Variants in GPLD1 observed in about 807,000 individuals in gnomAD.
The protein encoded by GPLD1 is glycosylphosphatidylinositol specific phospholipase D1.
In GPLD1, 84 loss-of-function variants were observed where a neutral mutation model predicts 112.6. That is an observed-to-expected ratio of 0.75 (90% CI 0.63 to 0.89). The LOEUF (loss-of-function observed/expected upper bound fraction) is 0.89. Among genes scored for constraint, GPLD1 ranks in the 40% least tolerant of loss-of-function variants. The pLI is 0.00. For synonymous variants in GPLD1, 386 were observed against 403.8 expected (o/e 0.96, Z 0.53); for missense variants, 1,044 against 1,051.5 (o/e 0.99, Z 0.10).
At chr6:24,455,841 T>C (rs1714533226) in intron 13 of GPLD1, among the ~76,000 whole-genome samples, 1 of 152,184 alleles carries the variant, frequency 6.6e-6, no homozygotes. Context: ...TGACCAAGTG[T>C]AAGGAGATCA....
chr6:24,476,363 C>G, intron 3 of GPLD1, 85 bp from the exon 4 acceptor site: 1 of 705,780 alleles, frequency 1.4e-6, no homozygotes, highest in South Asian at 1.6e-5. Flanking sequence ...CGCTGCGCTG[C>G]TGTGTCCCTT....
At chr6:24,442,243 C>T (rs571497679) in intron 20 of GPLD1, among the ~76,000 whole-genome samples, 1 of 150,864 alleles carries the variant, frequency 6.6e-6, no homozygotes, top group East Asian at 2.0e-4. Flanking sequence ...CCACCTCAGC[C>T]TCCTCAGTAG....
chr6:24,439,409 G>A (rs1762677407), intron 20 of GPLD1, among the ~76,000 whole-genome samples: 1 of 152,188 alleles, frequency 6.6e-6, no homozygotes, highest in Non-Finnish European at 1.5e-5. Context: ...CCCTCTGAAT[G>A]ATTCATGAAT....
At chr6:24,475,812 C>T (rs369873258) in intron 4 of GPLD1, among the ~76,000 whole-genome samples, 16 of 147,128 alleles carry the variant, frequency 1.1e-4, no homozygotes, top group Non-Finnish European at 2.4e-4. Context: ...GAGCTAAGAT[C>T]GCGCCACTGC....
chr6:24,460,203 A>T (rs1763389645), intron 12 of GPLD1, 76 bp downstream of exon 12: 1 of 1,519,116 alleles, frequency 6.6e-7, no homozygotes, highest in Non-Finnish European at 9.1e-7. Flanking sequence ...ACAAATAAAT[A>T]CCCAGGGACT....
At chr6:24,486,247 GGAAAT>G in intron 1 of GPLD1, 117 bp from the exon 2 acceptor site, 1 of 700,504 alleles carries the variant, frequency 1.4e-6, no homozygotes, top group African/African-American at 1.8e-5. Flanking sequence ...CAAGGACGCA[GGAAAT>G]GAAATGAGTT....
chr6:24,436,500 G>A, intron 22 of GPLD1, 76 bp downstream of exon 22: 2 of 1,281,166 alleles, frequency 1.6e-6, no homozygotes, highest in South Asian at 1.3e-5. Context: ...GCACTTTATA[G>A]TGGACATGAG....
Position 24,494,988 on chromosome 6 carries a change from G to A in GPLD1, n.218C>T. ...TTGCCTGTTTCCTGTCGCCGTCGTT[G>A]CCCGGGCCATGGCGACCTGCATTTG... On this transcript the variant is annotated non_coding_transcript_exon_variant, in exon 1 of 11. Transcript: ENST00000474784. 2.3e-6 allele frequency: 3 copies of A among 1,313,540 alleles called. No homozygotes were observed. The South Asian group carries it at 7.9e-5, about 34-fold the overall frequency. 81.4% of individuals were successfully genotyped at this position (1,313,540 alleles called of 1,614,324 possible).
In GPLD1 at chr6:24,427,420, T is replaced by C. The variant is rs536628255; in HGVS notation, c.*1612A>G. Among the ~76,000 whole-genome samples, 72 of 152,336 alleles carry C rather than the reference T, an allele frequency of 4.7e-4. No homozygotes were observed. Among genetic ancestry groups the C allele is most frequent in the African/African-American group, 1.6e-3 (66 of 41,582 alleles). ...TCATGAGATGGCTTAAAACTAGCAG[T>C]GTCGCTAGGCTCTTTAGGTGTTAGA... On this transcript the variant is annotated 3_prime_UTR_variant, in exon 25 of 25. Coordinates refer to ENST00000230036, the MANE Select transcript of GPLD1 (RefSeq NM_001503.4).
At chr6:24,459,825 G>C (rs1450387825) in intron 12 of GPLD1, among the ~76,000 whole-genome samples, 3 of 152,210 alleles carry the variant, frequency 2.0e-5, no homozygotes, top group Non-Finnish European at 4.4e-5. Flanking sequence ...ATTGGCCTGG[G>C]TGCCCAGGGT....
intron 22 of GPLD1, among the ~76,000 whole-genome samples, chr6:24,436,262 A>G (rs571787532): frequency 1.3e-5 from 2 of 152,316 alleles, no homozygotes; most frequent in Admixed American, 1.3e-4. Flanking sequence ...TCTCTATTTT[A>G]AAAAGAGAAA....
At chr6:24,461,468 C>G (rs574449853) in intron 11 of GPLD1, among the ~76,000 whole-genome samples, 9 of 152,210 alleles carry the variant, frequency 5.9e-5, no homozygotes, top group Admixed American at 6.5e-5. Flanking sequence ...TTGCAATACT[C>G]TACTTTTGAG....
chr6:24,467,745 A>G (rs1405842760), intron 7 of GPLD1, among the ~76,000 whole-genome samples: 2 of 152,198 alleles, frequency 1.3e-5, no homozygotes, highest in African/African-American at 4.8e-5. Context: ...TAAAGTATAC[A>G]AAAAAGTATA....
intron 20 of GPLD1, among the ~76,000 whole-genome samples, chr6:24,439,499 TCA>T (rs1320790842): frequency 3.9e-5 from 6 of 152,322 alleles, no homozygotes; most frequent in African/African-American, 1.4e-4. Context: ...CTAACACGCA[TCA>T]CAGTCTGTTA....
intron 14 of GPLD1, among the ~76,000 whole-genome samples, chr6:24,451,072 T>C (rs1207821271): frequency 1.3e-5 from 2 of 152,232 alleles, no homozygotes; most frequent in East Asian, 1.9e-4. Flanking sequence ...GTGTTTTATG[T>C]CTCCCGCACT....
At chr6:24,446,191 A>G (rs549511443) in intron 18 of GPLD1, among the ~76,000 whole-genome samples, 1 of 152,180 alleles carries the variant, frequency 6.6e-6, no homozygotes, top group East Asian at 1.9e-4. Flanking sequence ...GTCTTTAAAG[A>G]GGTGATTAAG....
chr6:24,476,515 G>C (rs1360344415), intron 3 of GPLD1, among the ~76,000 whole-genome samples: 1 of 152,134 alleles, frequency 6.6e-6, no homozygotes, highest in Non-Finnish European at 1.5e-5. Flanking sequence ...TAAGAGGGAC[G>C]GAGCCTAAAC....
rs1764660534 is a variant in GPLD1 at position 24,495,056 on chromosome 6, A to G, written n.150T>C. ...CCCGGCGCCTCGGGTCGACGTTTCC[A>G]GGCTGCCGCCTCCGCCCCCGCGCCG... is the stretch of plus-strand genomic sequence containing the variant. On this transcript the variant is annotated non_coding_transcript_exon_variant, in exon 1 of 11. Transcript: ENST00000474784. 4.4e-6 allele frequency: 6 copies of G among 1,352,018 alleles called. No individual in the cohort carries two copies. The highest frequency in any genetic ancestry group is 2.8e-5 in the Admixed American group (1 of 35,348). The allele number at this position is 1,352,018 out of a possible 1,614,324, so 83.8% of individuals were successfully genotyped here.
At position 24,427,826 on chromosome 6, in the gene GPLD1, A is replaced by G. The variant is rs138612106; in HGVS notation, c.*1206T>C. ...ACATCACTGCACTCCAGCCTGGGCAACAGAGCAAGACTCCGTCTCAAAAAA... is the reference window on the plus strand; with the variant it reads ...ACATCACTGCACTCCAGCCTGGGCAGCAGAGCAAGACTCCGTCTCAAAAAA... On this transcript the variant is annotated 3_prime_UTR_variant, in exon 25 of 25. Coordinates refer to ENST00000230036, the MANE Select transcript of GPLD1 (RefSeq NM_001503.4). Among the ~76,000 whole-genome samples, 23,968 of 141,784 alleles carry G rather than the reference A, an allele frequency of 0.17. 2,196 individuals carry two copies. The highest frequency in any genetic ancestry group is 0.31 in the East Asian group (1,497 of 4,844). 93.0% of individuals were successfully genotyped at this position (141,784 alleles called of 152,430 possible). A position where few individuals can be genotyped will look rare whatever the true frequency, so the allele number is the denominator to read the frequency against.
Sources: allele counts gnomAD v4.1 joint callset (sites outside exome capture counted in the v4.1 genomes callset), GRCh38; gene constraint gnomAD v4.1.1; transcripts MANE v1.5; gene names NCBI Gene and HGNC (gene_info 2026-07-23, HGNC 2026-07-21).